CDH12: variants seen among roughly 807,000 people sequenced by gnomAD.
CDH12 encodes cadherin 12, also known as cadherin-12.
CDH12 carries 41 observed loss-of-function variants against 74.1 expected under a neutral mutation model. The observed-to-expected ratio is 0.55, with a 90% confidence interval of 0.43 to 0.72. The LOEUF (loss-of-function observed/expected upper bound fraction) is 0.72. CDH12 is among the 30% of genes least tolerant of loss of function. The pLI, the probability that CDH12 is intolerant of heterozygous loss-of-function variation, is 0.00. For missense variants in CDH12, 945 were observed against 977.2 expected (o/e 0.97, Z 0.44); for synonymous variants, 399 against 355.0 (o/e 1.12, Z -1.39).
chr5:22,058,246 G>A (rs145642521), intron 5 of CDH12, among the ~76,000 whole-genome samples: 26 of 151,946 alleles, frequency 1.7e-4, no homozygotes, highest in African/African-American at 5.8e-4. Flanking sequence ...TAGTAGAGAC[G>A]GGGCTTCACC....
At chr5:22,822,383 G>C (rs1749750337) in intron 1 of CDH12, among the ~76,000 whole-genome samples, 1 of 151,924 alleles carries the variant, frequency 6.6e-6, no homozygotes, top group Non-Finnish European at 1.5e-5. Context: ...TTGACAAATG[G>C]GATCTAATTA....
chr5:21,942,931 G>A (rs866618944), intron 6 of CDH12, among the ~76,000 whole-genome samples: 13 of 152,244 alleles, frequency 8.5e-5, no homozygotes, highest in East Asian at 7.7e-4. Flanking sequence ...ATCTTGAATC[G>A]TAATCCCCAT....
At chr5:21,878,272 C>T (rs143550598) in intron 6 of CDH12, among the ~76,000 whole-genome samples, 5 of 152,220 alleles carry the variant, frequency 3.3e-5, no homozygotes, top group African/African-American at 1.2e-4. Flanking sequence ...GACTTGGAAG[C>T]CTACTTGTTT....
chr5:21,986,198 C>T (rs1757507517), intron 5 of CDH12, among the ~76,000 whole-genome samples: 1 of 152,030 alleles, frequency 6.6e-6, no homozygotes, highest in Non-Finnish European at 1.5e-5. Context: ...CAAAGAAGCT[C>T]ACAGAAGAAA....
intron 4 of CDH12, among the ~76,000 whole-genome samples, chr5:22,081,990 C>T (rs993769489): frequency 2.0e-5 from 3 of 152,120 alleles, no homozygotes; most frequent in Non-Finnish European, 2.9e-5. Flanking sequence ...TGTTCCAAAA[C>T]CCCCAGGAAA....
intron 3 of CDH12, among the ~76,000 whole-genome samples, chr5:22,311,772 G>A (rs1216674148): frequency 6.6e-6 from 1 of 151,258 alleles, no homozygotes; most frequent in Non-Finnish European, 1.5e-5. Context: ...GTCTAGGGAA[G>A]TTCGTGACTG....
intron 1 of CDH12, among the ~76,000 whole-genome samples, chr5:22,800,835 T>C (rs1748472269): frequency 6.6e-6 from 1 of 152,182 alleles, no homozygotes; most frequent in African/African-American, 2.4e-5. Flanking sequence ...ATGTAGCACT[T>C]TACATTTAGG....
intron 7 of CDH12, among the ~76,000 whole-genome samples, chr5:21,853,188 A>T (rs1026759664): frequency 9.9e-5 from 15 of 151,420 alleles, no homozygotes; most frequent in South Asian, 2.1e-4. Context: ...ACATTTTCTT[A>T]TCTTTACTGC....
chr5:22,273,226 A>T (rs993912565), intron 3 of CDH12, among the ~76,000 whole-genome samples: 1 of 152,180 alleles, frequency 6.6e-6, no homozygotes, highest in Non-Finnish European at 1.5e-5. Flanking sequence ...CACTGATCAC[A>T]GATTACCATC....
intron 2 of CDH12, among the ~76,000 whole-genome samples, chr5:22,468,459 C>T (rs1745822254): frequency 6.6e-6 from 1 of 152,134 alleles, no homozygotes; most frequent in Admixed American, 6.5e-5. Flanking sequence ...GCAGGTAATT[C>T]ACTCCTTAAA....
At chr5:21,753,935 G>C (rs1022598369) in intron 14 of CDH12, among the ~76,000 whole-genome samples, 2 of 152,136 alleles carry the variant, frequency 1.3e-5, no homozygotes, top group Non-Finnish European at 2.9e-5. Flanking sequence ...TGGAAATAGA[G>C]TATAGCAATG....
At chr5:22,434,938 A>C (rs182225732) in intron 2 of CDH12, among the ~76,000 whole-genome samples, 173 of 152,220 alleles carry the variant, frequency 1.1e-3, no homozygotes, top group Middle Eastern at 0.01. Context: ...AACTTACTAC[A>C]TCTTGCTTCT....
intron 3 of CDH12, among the ~76,000 whole-genome samples, chr5:22,332,196 C>T (rs1739379071): frequency 6.6e-6 from 1 of 152,046 alleles, no homozygotes. Flanking sequence ...CTAAATAAGG[C>T]TACCTCAAGG....
intron 3 of CDH12, among the ~76,000 whole-genome samples, chr5:22,237,070 C>T (rs963888388): frequency 5.3e-5 from 8 of 151,828 alleles, no homozygotes; most frequent in African/African-American, 1.5e-4. Context: ...TTAAGTATTA[C>T]GTACTGTATA....
intron 3 of CDH12, among the ~76,000 whole-genome samples, chr5:22,258,637 G>A (rs1197228904): frequency 6.6e-6 from 1 of 151,332 alleles, no homozygotes; most frequent in Non-Finnish European, 1.5e-5. Flanking sequence ...CAGGCTCCAT[G>A]GATGATAGGT....
At chr5:22,591,962 T>G (rs781319358) in intron 1 of CDH12, among the ~76,000 whole-genome samples, 33 of 118,482 alleles carry the variant, frequency 2.8e-4, no homozygotes, top group Admixed American at 2.5e-3. Context: ...TTGAATCTTG[T>G]GACCACCATG....
chr5:22,303,032 A>C (rs1737958223), intron 3 of CDH12, among the ~76,000 whole-genome samples: 1 of 152,112 alleles, frequency 6.6e-6, no homozygotes, highest in Non-Finnish European at 1.5e-5. Context: ...AGGAAGAAGA[A>C]AGAGGAAGAG....
intron 2 of CDH12, among the ~76,000 whole-genome samples, chr5:22,424,918 T>C (rs1743829677): frequency 6.6e-6 from 1 of 151,786 alleles, no homozygotes. Flanking sequence ...AAATGAACTG[T>C]TTAAAACTCA....
At chr5:21,997,462 C>G (rs1346221508) in intron 5 of CDH12, among the ~76,000 whole-genome samples, 1 of 152,048 alleles carries the variant, frequency 6.6e-6, no homozygotes, top group Non-Finnish European at 1.5e-5. Flanking sequence ...GATTTTAAAT[C>G]TCTTCATTTT....
Sources: allele counts gnomAD v4.1 joint callset (sites outside exome capture counted in the v4.1 genomes callset), GRCh38; gene constraint gnomAD v4.1.1; transcripts MANE v1.5; gene names NCBI Gene and HGNC (gene_info 2026-07-23, HGNC 2026-07-21).